The following DMWD variants were observed in gnomAD, a reference collection of about 807,000 sequenced individuals.
The protein encoded by DMWD is DM1 locus, WD repeat containing.
A neutral mutation model predicts 45.8 loss-of-function variants in DMWD; 19 were observed. The observed-to-expected ratio is 0.41, with a 90% confidence interval of 0.29 to 0.61. DMWD has a LOEUF of 0.61. Ranked by LOEUF, DMWD falls within the 20% of genes least tolerant of loss-of-function variation. DMWD has a pLI of 0.25. For synonymous variants in DMWD, 515 were observed against 440.5 expected (o/e 1.17, Z -2.12); for missense variants, 802 against 965.2 (o/e 0.83, Z 2.24).
chr19:45,791,514 A>G (rs1970356702), intron 1 of DMWD, among the ~76,000 whole-genome samples: 1 of 152,076 alleles, frequency 6.6e-6, no homozygotes, highest in African/African-American at 2.4e-5. Context: ...CCAGGACTCT[A>G]AAGCCTAACA....
chr19:45,792,516 G>C lies in DMWD; in HGVS notation c.241C>G (p.Pro81Ala). The change falls in exon 1 of 5, where the codon CCG (proline) becomes GCG (alanine). Residue 81 changes from proline to alanine, a missense_variant. Pro to Ala is a conservative substitution (Grantham distance 27, BLOSUM62 -1). Coordinates refer to ENST00000270223, the MANE Select transcript of DMWD (RefSeq NM_004943.2). ...PGAAGPASSP[P>A]PAGPGPGPAL... ...GGCCCGGGTCCGGGGCCTGCGGGCG[G>C]CGGGGACGACGCGGGGCCTGCAGCG... is the stretch of plus-strand genomic sequence containing the variant. The C allele has an allele frequency of 8.8e-7, 1 of 1,140,206 alleles. No homozygotes were observed. Among genetic ancestry groups the C allele is most frequent in the Non-Finnish European group, 1.1e-6 (1 of 927,922 alleles). 70.6% of individuals were successfully genotyped at this position (1,140,206 alleles called of 1,614,324 possible). A position where few individuals can be genotyped will look rare whatever the true frequency, so the allele number is the denominator to read the frequency against.
chr19:45,784,319 G>A (rs750365917), intron 4 of DMWD, 29 bp from the exon 5 acceptor site: 3 of 1,502,802 alleles, frequency 2.0e-6, no homozygotes, highest in African/African-American at 2.8e-5. Flanking sequence ...AGAGATGGGA[G>A]GGGTTAGAGA....
chr19:45,788,368 C>T (rs1970310280), intron 2 of DMWD, among the ~76,000 whole-genome samples: 2 of 152,340 alleles, frequency 1.3e-5, no homozygotes, highest in Middle Eastern at 3.4e-3. Context: ...GGATGAGGTG[C>T]CTCCCATCCC....
Position 45,792,514 on chromosome 19 carries a change from C to T in DMWD, c.243G>A (p.Pro81=). Residue 81 remains proline, a synonymous_variant, in exon 1 of 5, where the codon CCG becomes CCA. Coordinates refer to ENST00000270223, the MANE Select transcript of DMWD (RefSeq NM_004943.2). Reference sequence around the variant, plus strand: ...CGGGCCCGGGTCCGGGGCCTGCGGGCGGCGGGGACGACGCGGGGCCTGCAG... The same window carrying T: ...CGGGCCCGGGTCCGGGGCCTGCGGGTGGCGGGGACGACGCGGGGCCTGCAG... The part of the protein sequence containing the change: ...PGAAGPASSP[P]PAGPGPGPAL... 7.9e-6 allele frequency: 9 copies of T among 1,139,990 alleles called. No homozygotes were observed. Among genetic ancestry groups the T allele is most frequent in the Non-Finnish European group, 9.7e-6 (9 of 927,702 alleles). The allele number at this position is 1,139,990 out of a possible 1,614,324, so 70.6% of individuals were successfully genotyped here. A position where few individuals can be genotyped will look rare whatever the true frequency, so the allele number is the denominator to read the frequency against.
At position 45,783,681 on chromosome 19, in the gene DMWD, T is replaced by C; in HGVS notation, c.*562A>G. The C allele has an allele frequency of 2.4e-6, 1 of 416,362 alleles. No individual in the cohort carries two copies. The highest frequency in any genetic ancestry group is 4.2e-6 in the Non-Finnish European group (1 of 238,152). 25.8% of individuals were successfully genotyped at this position (416,362 alleles called of 1,614,324 possible). A position where few individuals can be genotyped will look rare whatever the true frequency, so the allele number is the denominator to read the frequency against. On this transcript the variant is annotated 3_prime_UTR_variant, in exon 5 of 5. Coordinates refer to ENST00000270223, the MANE Select transcript of DMWD (RefSeq NM_004943.2). The stretch of plus-strand genomic sequence containing the variant: ...AAGCGGACTGCCTAGAACCACAGAG[T>C]ACACACACAGGTCCTCTACATCATC...
Position 45,792,463 on chromosome 19 carries a change from G to C in DMWD, c.294C>G (p.Leu98=). 1 of 1,302,822 alleles carries C rather than the reference G, an allele frequency of 7.7e-7. No individual in the cohort carries two copies. Among genetic ancestry groups the C allele is most frequent in the Non-Finnish European group, 9.8e-7 (1 of 1,023,242 alleles). The allele number at this position is 1,302,822 out of a possible 1,614,324, so 80.7% of individuals were successfully genotyped here. A position where few individuals can be genotyped will look rare whatever the true frequency, so the allele number is the denominator to read the frequency against. ...CGCTGTCCGGCTCCCCGAGGCGCACGAGGCTGAGGCGCACGGCGGGCAGGG... is the reference window on the plus strand; with the variant it reads ...CGCTGTCCGGCTCCCCGAGGCGCACCAGGCTGAGGCGCACGGCGGGCAGGG... ...GPALPAVRLS[L]VRLGEPDSAG... The change falls in exon 1 of 5, where the codon CTC becomes CTG. Residue 98 remains leucine (L), a synonymous_variant. Transcript: ENST00000270223.
chr19:45,792,138 C>T (rs1970363466), intron 1 of DMWD, among the ~76,000 whole-genome samples, 178 bp downstream of exon 1: 1 of 152,214 alleles, frequency 6.6e-6, no homozygotes, highest in Non-Finnish European at 1.5e-5. Context: ...CCCAGCACCC[C>T]GCGGGCCTCT....
chr19:45,784,740 T>G, intron 3 of DMWD, 25 bp from the exon 4 acceptor site: 1 of 1,610,886 alleles, frequency 6.2e-7, no homozygotes, highest in East Asian at 2.2e-5. Flanking sequence ...GGGTCTCTTT[T>G]AGGACTCAAC....
rs548672917 is a variant in DMWD, at chr19:45,784,669, G to A, written c.1949C>T (p.Pro650Leu). 1.2e-6 allele frequency: 2 copies of A among 1,613,638 alleles called. No homozygotes were observed. The highest frequency in any genetic ancestry group is 4.5e-5 in the East Asian group (2 of 44,878). The change falls in exon 4 of 5, where the codon CCC becomes CTC. Residue 650 changes from proline to leucine, a missense_variant. Pro to Leu is a moderately conservative substitution (Grantham distance 98). Coordinates refer to ENST00000270223, the MANE Select transcript of DMWD (RefSeq NM_004943.2). ...TACCACTGACTTGCTGGGTGACCTG[G>A]GCCAACTTCCTTCCCCTGTCTGGGC... The part of the protein sequence containing the change: ...TEAQTGEGSW[P>L]RSPSKSVVEG...
At chr19:45,785,315 G>A (rs894265308) in intron 3 of DMWD, 62 of 1,203,226 alleles carry the variant, frequency 5.2e-5, no homozygotes, top group Non-Finnish European at 6.1e-5. Context: ...GGCCATGTGG[G>A]GCCCATCTGC....
In DMWD at chr19:45,785,594, C is replaced by T. The variant is rs751994584; in HGVS notation, c.1902G>A (p.Ala634=). 5 of 1,483,566 alleles carry T rather than the reference C, an allele frequency of 3.4e-6. No homozygotes were observed. Among genetic ancestry groups the T allele is most frequent in the African/African-American group, 1.4e-5 (1 of 70,194 alleles). 91.9% of individuals were successfully genotyped at this position (1,483,566 alleles called of 1,614,324 possible). A position where few individuals can be genotyped will look rare whatever the true frequency, so the allele number is the denominator to read the frequency against. ...GGCAGGCTGGTGTGGGGCCACTCAC[C>T]GCCTTGCCCGGCCGGGCCCAGGTGC... ...LICTWARPGK[A]FTDEETEAQT... is the part of the protein sequence containing the mutation. The change falls in exon 3 of 5, where the codon GCG becomes GCA. Residue 634 remains alanine, a splice_region_variant and synonymous_variant. Transcript: ENST00000270223.
chr19:45,784,376 T>C, intron 4 of DMWD, 86 bp from the exon 5 acceptor site: 4 of 1,388,862 alleles, frequency 2.9e-6, no homozygotes, highest in Non-Finnish European at 3.9e-6. Flanking sequence ...CAGCCCAGAG[T>C]CCCCAAAGCT....
intron 1 of DMWD, 68 bp from the exon 2 acceptor site, chr19:45,791,155 T>G: frequency 6.7e-7 from 1 of 1,489,570 alleles, no homozygotes; most frequent in Non-Finnish European, 9.1e-7. Context: ...ATGTTGAGGT[T>G]GGGGGAAACC....
chr19:45,792,592 C>G lies in DMWD; in HGVS notation c.165G>C (p.Pro55=), dbSNP rs1224876695. ...CGGGCGGGGGCTGCGGTGGCTGAGG[C>G]GGCACCGGAGTCTGGGCGGAAGCCG... ...SGPASAQTPV[P]PQPPQPPPGP... Residue 55 remains proline, a synonymous_variant, in exon 1 of 5, where the codon CCG becomes CCC. Transcript: ENST00000270223. The G allele has an allele frequency of 7.7e-7, 1 of 1,298,290 alleles. No homozygotes were observed. The highest frequency in any genetic ancestry group is 9.9e-7 in the Non-Finnish European group (1 of 1,006,698). 80.4% of individuals were successfully genotyped at this position (1,298,290 alleles called of 1,614,324 possible).
At position 45,786,263 on chromosome 19, in the gene DMWD, G is replaced by A. The variant is rs974820010; in HGVS notation, c.1233C>T (p.Gly411=). 6.2e-7 allele frequency: 1 copy of A among 1,606,490 alleles called. No homozygotes were observed. The change falls in exon 3 of 5, where the codon GGC becomes GGT. Residue 411 remains glycine (G), a synonymous_variant. Coordinates refer to ENST00000270223, the MANE Select transcript of DMWD (RefSeq NM_004943.2). The stretch of plus-strand genomic sequence containing the variant: ...GAGAGAGCGGGGCGCCCCCGGCCGA[G>A]CCTGTGCCCGCAGCCTCGGGCTCCT... ...EEEEPEAAGT[G]SAGGAPLSPL...
rs1970351758 is a variant in DMWD at position 45,791,092 on chromosome 19, AGG to A, written c.442-7_442-6del. ...TGGCTTGTTGAGGTCAATGGACTTG[AGG>A]GGTGGGAGAAAAGGAGTTAATGGTG... On this transcript the variant is annotated splice_region_variant and splice_polypyrimidine_tract_variant and intron_variant, in intron 1 of 4. Coordinates refer to ENST00000270223, the MANE Select transcript of DMWD (RefSeq NM_004943.2). 1 of 1,604,422 alleles carries A rather than the reference AGG, an allele frequency of 6.2e-7. No individual in the cohort carries two copies. Among genetic ancestry groups the A allele is most frequent in the African/African-American group, 1.3e-5 (1 of 74,308 alleles).
chr19:45,786,555 T>C lies in DMWD; in HGVS notation c.941A>G (p.Asp314Gly). 6.2e-7 allele frequency: 1 copy of C among 1,613,566 alleles called. No homozygotes were observed. The highest frequency in any genetic ancestry group is 8.5e-7 in the Non-Finnish European group (1 of 1,179,836). ...QDGCLRVFHF[D>G]SMLLRGLMKS... ...CATGAGCCCACGCAGGAGCATGGAGTCGAAGTGGAAGACGCGCAGGCAGCC... is the reference window on the plus strand; with the variant it reads ...CATGAGCCCACGCAGGAGCATGGAGCCGAAGTGGAAGACGCGCAGGCAGCC... Residue 314 changes from aspartate to glycine, a missense_variant, in exon 3 of 5, where the codon GAC (aspartate) becomes GGC (glycine). Asp to Gly is a moderately conservative substitution (Grantham distance 94). Transcript: ENST00000270223.
intron 2 of DMWD, 182 bp from the exon 3 acceptor site, chr19:45,787,053 G>A (rs1336814839): frequency 3.6e-6 from 4 of 1,122,590 alleles, no homozygotes; most frequent in African/African-American, 3.2e-5. Context: ...TGGACACCAG[G>A]TCATGGAAAC....
chr19:45,791,128 T>C, intron 1 of DMWD, 41 bp from the exon 2 acceptor site: 27 of 1,557,060 alleles, frequency 1.7e-5, no homozygotes, highest in Non-Finnish European at 2.3e-5. Context: ...TGTATGCCAC[T>C]GAGGAGAAGG....
Sources: allele counts gnomAD v4.1 joint callset (sites outside exome capture counted in the v4.1 genomes callset), GRCh38; gene constraint gnomAD v4.1.1; transcripts MANE v1.5; gene names NCBI Gene and HGNC (gene_info 2026-07-23, HGNC 2026-07-21).